CMIP: variants seen among roughly 807,000 people sequenced by gnomAD.
CMIP encodes the protein c-Maf inducing protein.
In CMIP, 13 loss-of-function variants were observed where a neutral mutation model predicts 97.3. That is an observed-to-expected ratio of 0.13 (90% CI 0.09 to 0.21). CMIP has a LOEUF of 0.21. Among genes scored for constraint, CMIP ranks in the 10% least tolerant of loss-of-function variants. CMIP has a pLI of 1.00. For synonymous variants in CMIP, 538 were observed against 436.3 expected, an observed-to-expected ratio of 1.23 and a Z score of -2.91; for missense variants, 847 against 1,024.9, an observed-to-expected ratio of 0.83 and a Z score of 2.37.
chr16:81,585,455 G>C (rs574404829), intron 1 of CMIP, among the ~76,000 whole-genome samples: 1 of 152,094 alleles, frequency 6.6e-6, no homozygotes, highest in Non-Finnish European at 1.5e-5. Flanking sequence ...AAGGAAACCC[G>C]TGCCCATCAG....
intron 1 of CMIP, among the ~76,000 whole-genome samples, chr16:81,491,764 A>G (rs941260289): frequency 6.6e-6 from 1 of 152,198 alleles, no homozygotes; most frequent in Admixed American, 6.5e-5. Flanking sequence ...GGATTTGGCT[A>G]CTGAGGATTG....
At chr16:81,545,924 C>T (rs2090537947) in intron 1 of CMIP, among the ~76,000 whole-genome samples, 2 of 152,098 alleles carry the variant, frequency 1.3e-5, no homozygotes, top group African/African-American at 2.4e-5. Flanking sequence ...GCGGTGTCAC[C>T]CCCTCACTGC....
intron 1 of CMIP, among the ~76,000 whole-genome samples, chr16:81,547,103 C>A (rs528095241): frequency 2.5e-4 from 38 of 152,254 alleles, no homozygotes; most frequent in African/African-American, 9.1e-4. Context: ...CGAGCCATGC[C>A]TGGGCTCCCG....
At chr16:81,495,715 C>G (rs1258240421) in intron 1 of CMIP, among the ~76,000 whole-genome samples, 2 of 152,180 alleles carry the variant, frequency 1.3e-5, no homozygotes, top group African/African-American at 4.8e-5. Context: ...CTTTGGAGGA[C>G]TTGAGACATT....
At chr16:81,447,893 T>C (rs1905958951) in intron 1 of CMIP, among the ~76,000 whole-genome samples, 1 of 152,016 alleles carries the variant, frequency 6.6e-6, no homozygotes, top group East Asian at 1.9e-4. Flanking sequence ...AGGGCTCTCG[T>C]CCCATCATGA....
At chr16:81,702,741 GTGGTGTC>G in intron 17 of CMIP, 72 bp downstream of exon 17, 1 of 1,386,824 alleles carries the variant, frequency 7.2e-7, no homozygotes, top group Non-Finnish European at 1.0e-6. Flanking sequence ...GGAACGGCAG[GTGGTGTC>G]TGCTGCTGAG....
intron 1 of CMIP, among the ~76,000 whole-genome samples, chr16:81,544,224 C>T (rs1190690076): frequency 1.3e-5 from 2 of 152,254 alleles, no homozygotes; most frequent in African/African-American, 2.4e-5. Flanking sequence ...AAGTCATGTG[C>T]ACGCATCCCT....
chr16:81,683,760 T>C (rs961972667), intron 10 of CMIP, among the ~76,000 whole-genome samples: 12 of 129,018 alleles, frequency 9.3e-5, no homozygotes, highest in South Asian at 5.4e-4. Flanking sequence ...CTTTTTCTTT[T>C]TTTTTTTTTT....
rs550037437 is a variant in CMIP, at chr16:81,550,413, C to A, written c.301-57154C>A. On this transcript the variant is annotated intron_variant, in intron 1 of 20. Coordinates refer to ENST00000537098, the MANE Select transcript of CMIP (RefSeq NM_198390.3). Reference sequence around the variant, plus strand: ...CCTCCCAGCTTTGGGAAGGTCTGGCCCTGTCCATGGAGGTGCAGGAGGGTC... The same window carrying A: ...CCTCCCAGCTTTGGGAAGGTCTGGCACTGTCCATGGAGGTGCAGGAGGGTC... Among the ~76,000 whole-genome samples, 4 of 152,268 alleles carry A rather than the reference C, an allele frequency of 2.6e-5. No individual in the cohort carries two copies. The East Asian group carries it at 7.7e-4, about 29-fold the overall frequency.
chr16:81,615,129 G>T (rs1261868040), intron 2 of CMIP, among the ~76,000 whole-genome samples: 2 of 149,970 alleles, frequency 1.3e-5, no homozygotes, highest in Non-Finnish European at 1.5e-5. Flanking sequence ...TGGTGTGTGT[G>T]TATGTATGTC....
chr16:81,451,056 T>C (rs994409364), intron 1 of CMIP, among the ~76,000 whole-genome samples: 2 of 152,218 alleles, frequency 1.3e-5, no homozygotes, highest in Non-Finnish European at 2.9e-5. Flanking sequence ...CACAGTAATG[T>C]AGGTAGACCC....
At chr16:81,507,114 G>C (rs1215492630) in intron 1 of CMIP, among the ~76,000 whole-genome samples, 2 of 151,102 alleles carry the variant, frequency 1.3e-5, no homozygotes, top group Admixed American at 1.3e-4. Context: ...AAATTAGCTG[G>C]GCGTGGTGGC....
At chr16:81,592,596 C>T (rs1471215892) in intron 1 of CMIP, among the ~76,000 whole-genome samples, 1 of 152,214 alleles carries the variant, frequency 6.6e-6, no homozygotes, top group African/African-American at 2.4e-5. Flanking sequence ...CCTGCTCATC[C>T]TGGGGCTCCC....
At position 81,696,977 on chromosome 16, in the gene CMIP, T is replaced by A; in HGVS notation, c.1638+310T>A. On this transcript the variant is annotated intron_variant, in intron 14 of 20. Transcript: ENST00000537098. ...CCAAGGCAGCTAAAGCCTGGGCCGT[T>A]ACTGCCTAAGGTCACACAGTTCATT... 3 of 422,874 alleles carry A rather than the reference T, an allele frequency of 7.1e-6. No homozygotes were observed. The South Asian group carries it at 8.7e-5, about 12-fold the overall frequency. 26.2% of individuals were successfully genotyped at this position (422,874 alleles called of 1,614,324 possible). A position where few individuals can be genotyped will look rare whatever the true frequency, so the allele number is the denominator to read the frequency against.
At chr16:81,574,189 AG>A (rs2091148020) in intron 1 of CMIP, among the ~76,000 whole-genome samples, 1 of 152,194 alleles carries the variant, frequency 6.6e-6, no homozygotes. Flanking sequence ...GCTAGTCTGG[AG>A]GGATGCCTGG....
chr16:81,496,594 G>A (rs376393034), intron 1 of CMIP, among the ~76,000 whole-genome samples: 7 of 152,204 alleles, frequency 4.6e-5, no homozygotes, highest in African/African-American at 1.2e-4. Context: ...AGTGGGGTGC[G>A]GGAGAGCTCA....
At chr16:81,612,927 C>G (rs562353324) in intron 2 of CMIP, among the ~76,000 whole-genome samples, 2 of 152,174 alleles carry the variant, frequency 1.3e-5, no homozygotes. Flanking sequence ...GGGCTGAGTT[C>G]TCTTGGCTCA....
rs1331263709 is a variant in CMIP at position 81,445,168 on chromosome 16, C to T, written c.-74C>T. The T allele has an allele frequency of 1.6e-5, 15 of 967,694 alleles. No individual in the cohort carries two copies. The highest frequency in any genetic ancestry group is 1.8e-5 in the Non-Finnish European group (13 of 720,506). The allele number at this position is 967,694 out of a possible 1,614,324, so 59.9% of individuals were successfully genotyped here. Reference sequence around the variant, plus strand: ...GGTGGGGGGGTGCGGGCCGCCGGATCCGGGGGCCCCGCCGCCCCAGCAGCC... The same window carrying T: ...GGTGGGGGGGTGCGGGCCGCCGGATTCGGGGGCCCCGCCGCCCCAGCAGCC... On this transcript the variant is annotated 5_prime_UTR_variant, in exon 1 of 21. Transcript: ENST00000537098.
rs118141560 is a variant in CMIP, at chr16:81,674,280, A to C, written c.1034+2210A>C. Among the ~76,000 whole-genome samples the C allele has an allele frequency of 8.7e-4, 133 of 152,328 alleles. 1 individual carries two copies. In the East Asian group the frequency reaches 0.024, roughly 28 times the overall value. On this transcript the variant is annotated intron_variant, in intron 9 of 20. Transcript: ENST00000537098. ...AAAAAGAGGAGAAAACGGAAGCCAG[A>C]GGGTAGTATCAGGCCTGCCCTTTTG...
Sources: gnomAD v4.1 joint callset for allele counts (sites outside exome capture counted in the v4.1 genomes callset) on GRCh38, gnomAD v4.1.1 for gene constraint, MANE v1.5 for transcripts, NCBI Gene and HGNC (gene_info 2026-07-23, HGNC 2026-07-21) for gene names.